Variants in CDYL2 observed in about 807,000 individuals in gnomAD.
CDYL2 encodes chromodomain Y like 2, also known as chromodomain Y-like protein 2.
In CDYL2, 23 loss-of-function variants were observed where a neutral mutation model predicts 49.4. That is an observed-to-expected ratio of 0.47 (90% CI 0.34 to 0.66). The LOEUF is 0.66. Ranked by LOEUF, CDYL2 falls within the 30% of genes least tolerant of loss-of-function variation. The probability of loss-of-function intolerance (pLI) is 0.01; values close to 1 mark genes in which losing one functional copy is unlikely to be tolerated. For missense variants in CDYL2, 678 were observed against 656.4 expected, an observed-to-expected ratio of 1.03 and a Z score of -0.36; for synonymous variants, 360 against 268.8, an observed-to-expected ratio of 1.34 and a Z score of -3.32.
At chr16:80,775,567 C>T (rs1272742534) in intron 1 of CDYL2, among the ~76,000 whole-genome samples, 1 of 151,446 alleles carries the variant, frequency 6.6e-6, no homozygotes, top group African/African-American at 2.4e-5. Context: ...ATATATATAA[C>T]TACTAGAACA....
chr16:80,673,770 G>T (rs868408171), intron 2 of CDYL2, among the ~76,000 whole-genome samples: 8 of 152,156 alleles, frequency 5.3e-5, no homozygotes, highest in African/African-American at 1.9e-4. Context: ...TGGCAAAAAG[G>T]ACTTTGTGAA....
intron 1 of CDYL2, among the ~76,000 whole-genome samples, chr16:80,727,540 C>G (rs980624558): frequency 6.6e-6 from 1 of 152,228 alleles, no homozygotes; most frequent in African/African-American, 2.4e-5. Context: ...TGCCATTGCC[C>G]AGGCTTGCTT....
intron 3 of CDYL2, among the ~76,000 whole-genome samples, chr16:80,623,234 C>T (rs763389529): frequency 1.6e-4 from 24 of 152,104 alleles, no homozygotes; most frequent in Non-Finnish European, 2.9e-4. Context: ...CCACATGCGC[C>T]TCTGGGGCTA....
intron 1 of CDYL2, among the ~76,000 whole-genome samples, chr16:80,775,451 G>A (rs1203461931): frequency 1.3e-5 from 2 of 151,864 alleles, no homozygotes; most frequent in African/African-American, 2.4e-5. Flanking sequence ...CCTTTTTCAA[G>A]GGGGGTGGGT....
chr16:80,621,531 C>CA (rs1907084573), intron 3 of CDYL2, among the ~76,000 whole-genome samples: 2 of 152,246 alleles, frequency 1.3e-5, no homozygotes, highest in Non-Finnish European at 2.9e-5. Context: ...CTGAGCCATG[C>CA]TGGTTATTCA....
At chr16:80,655,141 T>C (rs1696744982) in intron 2 of CDYL2, among the ~76,000 whole-genome samples, 2 of 152,220 alleles carry the variant, frequency 1.3e-5, no homozygotes, top group African/African-American at 4.8e-5. Flanking sequence ...TCTGAGCAGC[T>C]CTAAGGCTGG....
At chr16:80,699,834 G>C (rs1396655485) in intron 1 of CDYL2, among the ~76,000 whole-genome samples, 1 of 151,876 alleles carries the variant, frequency 6.6e-6, no homozygotes, top group Admixed American at 6.6e-5. Flanking sequence ...TGAAAGGTAT[G>C]TGGAAAAGGT....
intron 1 of CDYL2, among the ~76,000 whole-genome samples, chr16:80,712,215 A>ATATATCTC (rs763194077): frequency 1.2e-4 from 15 of 128,374 alleles, no homozygotes; most frequent in Admixed American, 2.4e-4. Flanking sequence ...ATATATATAT[A>ATATATCTC]TCTCCAAACC....
At chr16:80,649,583 A>G (rs1018920570) in intron 2 of CDYL2, among the ~76,000 whole-genome samples, 2 of 152,228 alleles carry the variant, frequency 1.3e-5, no homozygotes, top group South Asian at 4.1e-4. Context: ...CCCTCTCAAA[A>G]TACCAATAAT....
At chr16:80,721,490 G>A (rs1037325766) in intron 1 of CDYL2, among the ~76,000 whole-genome samples, 6 of 152,126 alleles carry the variant, frequency 3.9e-5, no homozygotes, top group Admixed American at 3.9e-4. Context: ...TGGGAGAGTG[G>A]CGATCATGAC....
chr16:80,604,259 G>A lies in CDYL2; in HGVS notation c.*129C>T, dbSNP rs1597117060. 1.7e-5 allele frequency: 18 copies of A among 1,031,950 alleles called. No individual in the cohort carries two copies. Among genetic ancestry groups the A allele is most frequent in the East Asian group, 4.8e-5 (2 of 41,882 alleles). The allele number at this position is 1,031,950 out of a possible 1,614,324, so 63.9% of individuals were successfully genotyped here. On this transcript the variant is annotated 3_prime_UTR_variant, in exon 7 of 7. Transcript: ENST00000570137. ...CCAAGGAGGAGCAACCAAAGGACAC[G>A]AGGAAATGGACACAACCCTACGTAT...
chr16:80,701,823 T>A (rs950267444), intron 1 of CDYL2, among the ~76,000 whole-genome samples: 4 of 152,130 alleles, frequency 2.6e-5, no homozygotes, highest in Non-Finnish European at 5.9e-5. Flanking sequence ...GAGAATTAAA[T>A]AAAAATAGCC....
At chr16:80,780,956 C>G (rs553190810) in intron 1 of CDYL2, among the ~76,000 whole-genome samples, 3 of 152,144 alleles carry the variant, frequency 2.0e-5, no homozygotes, top group Non-Finnish European at 4.4e-5. Context: ...TCAGTAAGAA[C>G]AGCAAGCTTT....
chr16:80,656,325 T>G (rs990978088), intron 2 of CDYL2, among the ~76,000 whole-genome samples: 5 of 152,180 alleles, frequency 3.3e-5, no homozygotes, highest in East Asian at 3.9e-4. Flanking sequence ...GGCCAAAGAT[T>G]AGGCATTCCA....
chr16:80,682,340 G>A (rs17752649), intron 2 of CDYL2, among the ~76,000 whole-genome samples: 1,878 of 152,252 alleles, frequency 0.012, 15 homozygotes, highest in Admixed American at 0.025. Flanking sequence ...TAGCATTTTG[G>A]AGCTAACAGG....
intron 1 of CDYL2, among the ~76,000 whole-genome samples, chr16:80,743,481 T>C (rs953771052): frequency 5.8e-5 from 3 of 51,898 alleles, no homozygotes; most frequent in African/African-American, 1.0e-4. Context: ...TAGCAGCACT[T>C]CAACCTGGAA....
At chr16:80,745,193 C>T (rs1905884177) in intron 1 of CDYL2, among the ~76,000 whole-genome samples, 1 of 152,142 alleles carries the variant, frequency 6.6e-6, no homozygotes, top group African/African-American at 2.4e-5. Context: ...CCCGAGGGTC[C>T]CCCAGCTAGA....
chr16:80,648,767 A>C (rs1232673983), intron 2 of CDYL2, among the ~76,000 whole-genome samples: 1 of 152,042 alleles, frequency 6.6e-6, no homozygotes, highest in Non-Finnish European at 1.5e-5. Context: ...AATACTAGCA[A>C]ACTGAATTCA....
intron 1 of CDYL2, among the ~76,000 whole-genome samples, chr16:80,727,005 G>A (rs898396787): frequency 1.3e-5 from 2 of 152,192 alleles, no homozygotes; most frequent in Non-Finnish European, 2.9e-5. Context: ...AGGATTGCTG[G>A]AGCCCAGGTG....
Sources: allele counts gnomAD v4.1 joint callset (sites outside exome capture counted in the v4.1 genomes callset), GRCh38; gene constraint gnomAD v4.1.1; transcripts MANE v1.5; gene names NCBI Gene and HGNC (gene_info 2026-07-23, HGNC 2026-07-21).